SF3B3: variants seen among roughly 807,000 people sequenced by gnomAD.
SF3B3 encodes the protein splicing factor 3b subunit 3.
In SF3B3, 33 loss-of-function variants were observed where a neutral mutation model predicts 139.2. The observed-to-expected ratio is 0.24, with a 90% CI of 0.18 to 0.32. SF3B3 has a LOEUF of 0.32. SF3B3 is among the 10% of genes least tolerant of loss of function. The pLI is 1.00. For missense variants in SF3B3, 818 were observed against 1,509.4 expected (o/e 0.54, Z 7.59); for synonymous variants, 596 against 563.6 (o/e 1.06, Z -0.81).
intron 4 of SF3B3, among the ~76,000 whole-genome samples, chr16:70,531,433 C>T (rs965746081): frequency 4.6e-5 from 7 of 152,096 alleles, no homozygotes; most frequent in East Asian, 1.9e-4. Flanking sequence ...GCTGCCACAA[C>T]GCCCAGCTAA....
In SF3B3 at chr16:70,565,363, T is replaced by C; in HGVS notation, c.2670-5T>C. 1 of 1,614,166 alleles carries C rather than the reference T, an allele frequency of 6.2e-7. No homozygotes were observed. Among genetic ancestry groups the C allele is most frequent in the Non-Finnish European group, 8.5e-7 (1 of 1,180,018 alleles). Reference sequence around the variant, plus strand: ...CCTTACTCTTGCTTCTTATTCTGTGTGTAGTGTGGCTGTGTGCAGGTTTTC... The same window carrying C: ...CCTTACTCTTGCTTCTTATTCTGTGCGTAGTGTGGCTGTGTGCAGGTTTTC... On this transcript the variant is annotated splice_region_variant and splice_polypyrimidine_tract_variant and intron_variant, in intron 19 of 25. Transcript: ENST00000302516.
intron 8 of SF3B3, among the ~76,000 whole-genome samples, chr16:70,540,492 A>G (rs2050209433): frequency 6.6e-6 from 1 of 152,064 alleles, no homozygotes; most frequent in Admixed American, 6.6e-5. Context: ...TCCCAGGCTC[A>G]AGGTGATCCT....
intron 2 of SF3B3, chr16:70,526,949 C>T: frequency 3.4e-6 from 2 of 585,090 alleles, no homozygotes; most frequent in South Asian, 2.1e-5. Flanking sequence ...TGTCAGGGCA[C>T]ACTTTTCTTG....
At chr16:70,546,186 G>T (rs114480905) in intron 10 of SF3B3, among the ~76,000 whole-genome samples, 4,838 of 152,202 alleles carry the variant, frequency 0.032, 284 homozygotes, top group African/African-American at 0.11. Context: ...GCCAGGGCTG[G>T]TCTTGAACTC....
At chr16:70,526,555 C>G in intron 1 of SF3B3, 32 bp from the exon 2 acceptor site, 1 of 751,126 alleles carries the variant, frequency 1.3e-6, no homozygotes, top group South Asian at 1.7e-5. Flanking sequence ...GTAATAGTCT[C>G]CCAGCTATTT....
rs1427008229 is a variant in SF3B3 at position 70,565,087 on chromosome 16, A to G, written c.2486A>G (p.Glu829Gly). Residue 829 changes from glutamate to glycine, a missense_variant, in exon 19 of 26, where the codon GAG becomes GGG. Transcript: ENST00000302516. ...MAEEMVEAAG[E>G]DERELAAEMA... is the part of the protein sequence containing the mutation. ...TAGGAAATGGTGGAAGCAGCAGGGG[A>G]GGATGAGCGGGAGCTGGCCGCAGAG... The G allele has an allele frequency of 6.2e-7, 1 of 1,613,418 alleles. No homozygotes were observed. Among genetic ancestry groups the G allele is most frequent in the African/African-American group, 1.3e-5 (1 of 74,886 alleles).
Position 70,570,113 on chromosome 16 carries a change from A to G in SF3B3, c.3372A>G (p.Gly1124=). 1 of 1,614,124 alleles carries G rather than the reference A, an allele frequency of 6.2e-7. No homozygotes were observed. Among genetic ancestry groups the G allele is most frequent in the Non-Finnish European group, 8.5e-7 (1 of 1,180,026 alleles). Residue 1124 remains glycine (G), a synonymous_variant, in exon 24 of 26, where the codon GGA becomes GGG. Coordinates refer to ENST00000302516, the MANE Select transcript of SF3B3 (RefSeq NM_012426.5). ...SESLVYTTLS[G]GIGILVPFTS... ...CACTTGTCTATACCACCTTGTCTGG[A>G]GGAATTGGCATCCTTGTGCCATTCA...
chr16:70,566,263 G>A (rs1407668591), intron 20 of SF3B3, among the ~76,000 whole-genome samples: 1 of 150,972 alleles, frequency 6.6e-6, no homozygotes, highest in Non-Finnish European at 1.5e-5. Context: ...CCACTGAAGT[G>A]TATACTTAAA....
At chr16:70,548,918 T>G (rs2151786131) in intron 11 of SF3B3, among the ~76,000 whole-genome samples, 2 of 152,262 alleles carry the variant, frequency 1.3e-5, no homozygotes, top group Admixed American at 1.3e-4. Flanking sequence ...AGAGTGGAAT[T>G]GAGTGGAATT....
intron 12 of SF3B3, 26 bp downstream of exon 12, chr16:70,554,623 T>C: frequency 6.2e-7 from 1 of 1,612,956 alleles, no homozygotes; most frequent in Non-Finnish European, 8.5e-7. Context: ...GCTTACCTAC[T>C]TGGCCTGCTT....
rs1446804997 is a variant in SF3B3 at position 70,565,470 on chromosome 16, C to T, written c.2772C>T (p.Phe924=). ...ACCCCCGATCTGTGGCAGGGGGCTT[C>T]GTCTATACTTACAAGCTTGTGAACA... ...ILNPRSVAGG[F]VYTYKLVNNG... The change falls in exon 20 of 26, where the codon TTC becomes TTT. Residue 924 remains phenylalanine, a synonymous_variant. Coordinates refer to ENST00000302516, the MANE Select transcript of SF3B3 (RefSeq NM_012426.5). 18 of 1,613,996 alleles carry T rather than the reference C, an allele frequency of 1.1e-5. No individual in the cohort carries two copies. The highest frequency in any genetic ancestry group is 1.2e-5 in the Non-Finnish European group (14 of 1,180,028).
At chr16:70,541,918 C>A in intron 9 of SF3B3, 84 bp downstream of exon 9, 3 of 1,236,490 alleles carry the variant, frequency 2.4e-6, no homozygotes, top group South Asian at 3.1e-5. Flanking sequence ...ATTAGTATTT[C>A]CATGAACTCG....
Position 70,570,097 on chromosome 16 carries a change from A to G in SF3B3, c.3356A>G (p.Tyr1119Cys). The part of the protein sequence containing the change: ...LIPGGSESLV[Y>C]TTLSGGIGIL... ...CCTGGAGGCTCAGAATCACTTGTCT[A>G]TACCACCTTGTCTGGAGGAATTGGC... Residue 1119 changes from tyrosine (Y) to cysteine (C), a missense_variant, in exon 24 of 26, where the codon TAT (tyrosine) becomes TGT (cysteine). Tyr to Cys is a radical substitution (Grantham distance 194). Coordinates refer to ENST00000302516, the MANE Select transcript of SF3B3 (RefSeq NM_012426.5). 1.2e-6 allele frequency: 2 copies of G among 1,614,074 alleles called. No homozygotes were observed. Among genetic ancestry groups the G allele is most frequent in the Non-Finnish European group, 1.7e-6 (2 of 1,180,014 alleles).
rs1439264261 is a variant in SF3B3, at chr16:70,573,887, A to G, written c.*2074A>G. ...TCAGCTTTCCCCTGACCTTACTGGC[A>G]GAGGTTCTGCAGATGTTTCCTTTGG... On this transcript the variant is annotated 3_prime_UTR_variant, in exon 26 of 26. Coordinates refer to ENST00000302516, the MANE Select transcript of SF3B3 (RefSeq NM_012426.5). 6.6e-6 allele frequency: 1 copy of G among 152,222 alleles called. No homozygotes were observed. The highest frequency in any genetic ancestry group is 1.9e-4 in the East Asian group (1 of 5,194). The allele number at this position is 152,222 out of a possible 1,614,324, so 9.4% of individuals were successfully genotyped here. A position where few individuals can be genotyped will look rare whatever the true frequency, so the allele number is the denominator to read the frequency against.
At chr16:70,541,014 A>G (rs1597711662) in intron 8 of SF3B3, among the ~76,000 whole-genome samples, 1 of 152,122 alleles carries the variant, frequency 6.6e-6, no homozygotes, top group South Asian at 2.1e-4. Context: ...TTTTTGAGAA[A>G]CCACCAAACT....
chr16:70,556,794 C>T, intron 14 of SF3B3, 92 bp from the exon 15 acceptor site: 9 of 1,470,766 alleles, frequency 6.1e-6, no homozygotes, highest in Non-Finnish European at 7.5e-6. Context: ...TAAGGAAGTA[C>T]TTTTTCAATC....
At chr16:70,566,487 A>G (rs9635522) in intron 20 of SF3B3, among the ~76,000 whole-genome samples, 64,537 of 151,234 alleles carry the variant, frequency 0.43, 13,937 homozygotes, top group South Asian at 0.66. Context: ...ACTTGAACCC[A>G]GGAGGCAGAG....
At chr16:70,549,793 T>C (rs1359159740) in intron 11 of SF3B3, among the ~76,000 whole-genome samples, 2 of 151,950 alleles carry the variant, frequency 1.3e-5, no homozygotes, top group African/African-American at 4.8e-5. Flanking sequence ...GGCGTGGTGG[T>C]GCAGGCCTGT....
At chr16:70,535,168 G>T in intron 5 of SF3B3, 140 bp from the exon 6 acceptor site, 1 of 539,794 alleles carries the variant, frequency 1.9e-6, no homozygotes. Context: ...ATGAACATAA[G>T]GGAGGAGAAA....
Sources: allele counts gnomAD v4.1 joint callset (sites outside exome capture counted in the v4.1 genomes callset), GRCh38; gene constraint gnomAD v4.1.1; transcripts MANE v1.5; gene names NCBI Gene and HGNC (gene_info 2026-07-23, HGNC 2026-07-21).